PSIP1: variants seen among roughly 807,000 people sequenced by gnomAD.
The protein encoded by PSIP1 is PC4 and SFRS1-interacting protein.
PSIP1 carries 19 observed loss-of-function variants against 74.7 expected under a neutral mutation model. The observed-to-expected ratio is 0.25, with a 90% CI of 0.18 to 0.37. PSIP1 has a LOEUF of 0.37. Ranked by LOEUF, PSIP1 falls within the 10% of genes least tolerant of loss-of-function variation. The pLI is 1.00. For synonymous variants in PSIP1, 222 were observed against 195.3 expected (o/e 1.14, Z -1.14); for missense variants, 601 against 614.3 (o/e 0.98, Z 0.23).
intron 4 of PSIP1, among the ~76,000 whole-genome samples, chr9:15,487,717 A>G (rs1267451268): frequency 6.6e-6 from 1 of 152,226 alleles, no homozygotes; most frequent in Non-Finnish European, 1.5e-5. Flanking sequence ...ATGATAAGAA[A>G]CCATGTAGCC....
At chr9:15,468,379 TA>T in intron 14 of PSIP1, 4 of 700,452 alleles carry the variant, frequency 5.7e-6, no homozygotes, top group South Asian at 5.5e-5. Flanking sequence ...AAAAATTGTT[TA>T]TCCAGAGTCA....
chr9:15,497,638 T>C (rs1272114000), intron 3 of PSIP1, among the ~76,000 whole-genome samples: 2 of 152,044 alleles, frequency 1.3e-5, no homozygotes, highest in East Asian at 3.9e-4. Context: ...TCCATTTATA[T>C]GAAGTGCCCA....
chr9:15,474,912 C>A (rs906847831), intron 8 of PSIP1, among the ~76,000 whole-genome samples: 4 of 152,166 alleles, frequency 2.6e-5, no homozygotes, highest in Non-Finnish European at 5.9e-5. Context: ...AACCTTTTAA[C>A]TGTCCAAAGA....
intron 6 of PSIP1, among the ~76,000 whole-genome samples, chr9:15,483,267 G>A (rs553339531): frequency 6.6e-6 from 1 of 152,166 alleles, no homozygotes; most frequent in Admixed American, 6.5e-5. Context: ...TCATGCCTAT[G>A]ATTCCAAACC....
At chr9:15,489,330 G>A (rs986603125) in intron 4 of PSIP1, 2 of 152,128 alleles carry the variant, frequency 1.3e-5, no homozygotes, top group Non-Finnish European at 2.9e-5. Flanking sequence ...ATTAAAGGCT[G>A]CGCGCAATGG....
chr9:15,492,241 CAAGTT>C (rs907586632), intron 3 of PSIP1: 3 of 152,228 alleles, frequency 2.0e-5, no homozygotes, highest in South Asian at 2.1e-4. Flanking sequence ...AAATCAAAAG[CAAGTT>C]AAGTTACTTC....
intron 8 of PSIP1, 109 bp downstream of exon 8, chr9:15,478,365 AAAT>A (rs1214811908): frequency 1.5e-5 from 14 of 913,234 alleles, no homozygotes; most frequent in African/African-American, 1.0e-4. Context: ...AGAAAGATCA[AAAT>A]AATAACAAAC....
intron 10 of PSIP1, among the ~76,000 whole-genome samples, chr9:15,470,304 G>A (rs1294220975): frequency 1.3e-5 from 2 of 152,074 alleles, no homozygotes; most frequent in Non-Finnish European, 2.9e-5. Context: ...AATGTTTAAT[G>A]GCTTCTACAT....
chr9:15,503,779 C>A (rs1161726055), intron 3 of PSIP1, among the ~76,000 whole-genome samples: 1 of 152,132 alleles, frequency 6.6e-6, no homozygotes, highest in South Asian at 2.1e-4. Context: ...CAGAGTCTCA[C>A]TCTGTTGCCC....
At chr9:15,495,080 A>C (rs10119931) in intron 3 of PSIP1, among the ~76,000 whole-genome samples, 13,571 of 152,200 alleles carry the variant, frequency 0.089, 990 homozygotes, top group African/African-American at 0.2. Flanking sequence ...GAAGCTAAAA[A>C]GACAACTAAA....
chr9:15,493,065 T>G (rs182314001), intron 3 of PSIP1, among the ~76,000 whole-genome samples: 18 of 152,340 alleles, frequency 1.2e-4, no homozygotes, highest in African/African-American at 3.8e-4. Flanking sequence ...GATTAGTGTT[T>G]GGCAGCCTGC....
At position 15,506,480 on chromosome 9, in the gene PSIP1, T is replaced by C. The variant is rs538403262; in HGVS notation, c.149+81A>G. Reference sequence around the variant, plus strand: ...TTTAAAGTTTCCTATTACGTTACGATTTCCCCCTTGAATTAATGTCTACTG... The same window carrying C: ...TTTAAAGTTTCCTATTACGTTACGACTTCCCCCTTGAATTAATGTCTACTG... On this transcript the variant is annotated intron_variant, in intron 3 of 15. Transcript: ENST00000380733. The C allele has an allele frequency of 3.0e-4, 299 of 991,458 alleles. 1 individual carries two copies. The African/African-American group carries it at 4.4e-3, about 15-fold the overall frequency. 61.4% of individuals were successfully genotyped at this position (991,458 alleles called of 1,614,324 possible).
chr9:15,479,846 C>T (rs765672411), intron 6 of PSIP1, among the ~76,000 whole-genome samples, 159 bp from the exon 7 acceptor site: 1 of 151,982 alleles, frequency 6.6e-6, no homozygotes, highest in Non-Finnish European at 1.5e-5. Flanking sequence ...TCAAGAGTAA[C>T]ATCTTCAAAC....
At chr9:15,470,944 A>AAC in intron 10 of PSIP1, 1 of 1,147,064 alleles carries the variant, frequency 8.7e-7, no homozygotes, top group Middle Eastern at 3.6e-4. Context: ...TAAAAAAAAA[A>AAC]AAAAAAAAAA....
At chr9:15,509,826 T>A (rs1379565912) in intron 2 of PSIP1, among the ~76,000 whole-genome samples, 1 of 152,250 alleles carries the variant, frequency 6.6e-6, no homozygotes, top group East Asian at 1.9e-4. Context: ...CTTCATTATT[T>A]CACCTACAAT....
At chr9:15,500,856 T>C (rs898489208) in intron 3 of PSIP1, among the ~76,000 whole-genome samples, 8 of 152,248 alleles carry the variant, frequency 5.3e-5, no homozygotes, top group Admixed American at 5.2e-4. Flanking sequence ...GAATAGTCCC[T>C]GAATTAGCAA....
intron 6 of PSIP1, among the ~76,000 whole-genome samples, chr9:15,480,953 G>A (rs959778977): frequency 6.6e-6 from 1 of 151,956 alleles, no homozygotes; most frequent in Admixed American, 6.6e-5. Flanking sequence ...CCTTTATATG[G>A]CAATTCCACT....
chr9:15,473,119 T>C (rs2035913486), intron 9 of PSIP1, among the ~76,000 whole-genome samples: 1 of 152,172 alleles, frequency 6.6e-6, no homozygotes, highest in Non-Finnish European at 1.5e-5. Context: ...AAAAATCAGA[T>C]GAAAGTAAAC....
At position 15,478,567 on chromosome 9, in the gene PSIP1, G is replaced by A. The variant is rs1563875285; in HGVS notation, c.554-15C>T. ...GACTTCTGTAGCTAATATACACATG[G>A]AAAAAAAATCAGTAACTACTAGTTT... On this transcript the variant is annotated splice_polypyrimidine_tract_variant and intron_variant, in intron 7 of 15. Coordinates refer to ENST00000380733, the MANE Select transcript of PSIP1 (RefSeq NM_033222.5). The A allele has an allele frequency of 1.9e-6, 3 of 1,546,780 alleles. No individual in the cohort carries two copies. The highest frequency in any genetic ancestry group is 2.7e-5 in the African/African-American group (2 of 73,036).
Sources: gnomAD v4.1 joint callset for allele counts (sites outside exome capture counted in the v4.1 genomes callset) on GRCh38, gnomAD v4.1.1 for gene constraint, MANE v1.5 for transcripts, NCBI Gene and HGNC (gene_info 2026-07-23, HGNC 2026-07-21) for gene names.